Variants in IL1RAPL2 observed in about 807,000 individuals in gnomAD.
IL1RAPL2 encodes interleukin 1 receptor accessory protein like 2.
IL1RAPL2 carries 3 observed loss-of-function variants against 44.1 expected under a neutral mutation model. The ratio of observed to expected loss-of-function variants is 0.07; its 90% confidence interval spans 0.03 to 0.18. IL1RAPL2 has a LOEUF of 0.18. Among genes scored for constraint, IL1RAPL2 ranks in the 10% least tolerant of loss-of-function variants. The pLI is 1.00. For missense variants in IL1RAPL2, 391 were observed against 496.4 expected (o/e 0.79, Z 2.02); for synonymous variants, 181 against 178.8 (o/e 1.01, Z -0.10).
chrX:105,260,344 G>T (rs756416606), intron 4 of IL1RAPL2, among the ~76,000 whole-genome samples: 2 of 112,470 alleles, frequency 1.8e-5, no homozygotes, highest in East Asian at 5.7e-4. Flanking sequence ...CACCAACAGG[G>T]GTGGCTGGAG....
chrX:105,747,189 AT>A (rs536712607), intron 8 of IL1RAPL2, among the ~76,000 whole-genome samples: 12 of 106,627 alleles, frequency 1.1e-4, no homozygotes, highest in South Asian at 8.2e-4. Context: ...ATGTGGTGAA[AT>A]TTTTTTTTTA....
chrX:104,626,959 C>T (rs1222370170), intron 1 of IL1RAPL2, among the ~76,000 whole-genome samples: 1 of 109,075 alleles, frequency 9.2e-6, no homozygotes. Flanking sequence ...GCTGAGACTA[C>T]AGGCACGCAC....
intron 3 of IL1RAPL2, among the ~76,000 whole-genome samples, chrX:105,210,482 T>C (rs1215079220): frequency 1.8e-5 from 2 of 110,739 alleles, no homozygotes; most frequent in African/African-American, 6.6e-5. Flanking sequence ...GAGAGATTTT[T>C]CGTTGTCACA....
rs541641886 is a variant in IL1RAPL2 at position 105,561,999 on chromosome X, A to C, written c.772+77612A>C. ...TTCAGTGTTCCTGTGATTTACAAGT[A>C]GATATGGGCAATGAAGATACCTGGA... On this transcript the variant is annotated intron_variant, in intron 6 of 10. Transcript: ENST00000372582. Among the ~76,000 whole-genome samples, 13 of 111,442 alleles carry C rather than the reference A, an allele frequency of 1.2e-4. No homozygotes were observed. The South Asian group carries it at 4.9e-3, about 42-fold the overall frequency.
At chrX:105,383,568 A>G (rs367690841) in intron 5 of IL1RAPL2, among the ~76,000 whole-genome samples, 3 of 112,495 alleles carry the variant, frequency 2.7e-5, no homozygotes, top group East Asian at 5.6e-4. Flanking sequence ...TGCAATAAAC[A>G]TGGGAATATA....
At chrX:104,961,892 A>G (rs191312755) in intron 2 of IL1RAPL2, among the ~76,000 whole-genome samples, 1 of 112,474 alleles carries the variant, frequency 8.9e-6, no homozygotes, top group Non-Finnish European at 1.9e-5. Context: ...TTGAATACCT[A>G]TTATGTGCTT....
intron 2 of IL1RAPL2, among the ~76,000 whole-genome samples, chrX:104,905,859 A>T (rs1279953534): frequency 9.0e-6 from 1 of 110,820 alleles, no homozygotes; most frequent in Non-Finnish European, 1.9e-5. Flanking sequence ...TGGTAGCTTG[A>T]TGGGGATGGC....
intron 5 of IL1RAPL2, among the ~76,000 whole-genome samples, chrX:105,312,813 G>A (rs1415446376): frequency 9.0e-6 from 1 of 110,615 alleles, no homozygotes; most frequent in African/African-American, 3.3e-5. Context: ...TATACATTTT[G>A]AAACATCATG....
chrX:105,108,908 A>C (rs1406232022), intron 2 of IL1RAPL2, among the ~76,000 whole-genome samples: 1 of 111,860 alleles, frequency 8.9e-6, no homozygotes, highest in African/African-American at 3.3e-5. Context: ...ACTATGCTCT[A>C]TAAGGCCCTG....
chrX:104,831,000 G>A (rs1343628341), intron 2 of IL1RAPL2, among the ~76,000 whole-genome samples: 1 of 111,813 alleles, frequency 8.9e-6, no homozygotes, highest in Non-Finnish European at 1.9e-5. Context: ...AGGATGGGAA[G>A]TGTCAGAAAC....
At chrX:105,656,671 T>C (rs971322153) in intron 6 of IL1RAPL2, among the ~76,000 whole-genome samples, 4 of 111,509 alleles carry the variant, frequency 3.6e-5, no homozygotes, top group African/African-American at 1.3e-4. Flanking sequence ...TGTCAAGAAG[T>C]GGTATGGTTT....
chrX:105,212,278 C>A (rs926079952), intron 3 of IL1RAPL2, among the ~76,000 whole-genome samples: 34 of 111,922 alleles, frequency 3.0e-4, no homozygotes, highest in African/African-American at 1.0e-3. Flanking sequence ...GCTTTGTTGG[C>A]GGAGTGGTGT....
intron 2 of IL1RAPL2, among the ~76,000 whole-genome samples, chrX:104,842,758 C>G (rs1921943042): frequency 8.9e-6 from 1 of 112,630 alleles, no homozygotes; most frequent in Admixed American, 9.3e-5. Context: ...GCTCCTTCCC[C>G]TGGAAGCTCC....
intron 6 of IL1RAPL2, among the ~76,000 whole-genome samples, chrX:105,714,788 T>G (rs2038243197): frequency 9.0e-6 from 1 of 111,689 alleles, no homozygotes; most frequent in African/African-American, 3.3e-5. Flanking sequence ...TCAATATGAG[T>G]TTTGGTGGGG....
At chrX:104,775,791 G>GT (rs1158088475) in intron 2 of IL1RAPL2, among the ~76,000 whole-genome samples, 1 of 110,699 alleles carries the variant, frequency 9.0e-6, no homozygotes, top group Non-Finnish European at 1.9e-5. Context: ...AACATAACAT[G>GT]TTTAAACAGC....
At chrX:105,326,232 T>G (rs979247727) in intron 5 of IL1RAPL2, among the ~76,000 whole-genome samples, 2 of 110,283 alleles carry the variant, frequency 1.8e-5, no homozygotes, top group Non-Finnish European at 3.8e-5. Context: ...TTAAAATTTT[T>G]TTTTGATAGA....
chrX:105,074,143 C>T (rs1171414679), intron 2 of IL1RAPL2, among the ~76,000 whole-genome samples: 69 of 111,354 alleles, frequency 6.2e-4, no homozygotes, highest in Middle Eastern at 4.6e-3. Context: ...TGGTATTGCC[C>T]AGGTTTTCTT....
chrX:105,190,818 A>G (rs999044371), intron 2 of IL1RAPL2, among the ~76,000 whole-genome samples: 1 of 112,530 alleles, frequency 8.9e-6, no homozygotes, highest in Admixed American at 9.4e-5. Flanking sequence ...TTATCCTCTT[A>G]CAGGTATGTA....
chrX:104,962,074 AAAAT>A (rs200183510), intron 2 of IL1RAPL2, among the ~76,000 whole-genome samples: 2,082 of 112,157 alleles, frequency 0.019, 50 homozygotes, highest in African/African-American at 0.062. Context: ...TTCACAGGCT[AAAAT>A]GTTTCCAAGG....
Sources: gnomAD v4.1 joint callset for allele counts (sites outside exome capture counted in the v4.1 genomes callset) on GRCh38, gnomAD v4.1.1 for gene constraint, MANE v1.5 for transcripts, NCBI Gene and HGNC (gene_info 2026-07-23, HGNC 2026-07-21) for gene names.